The following PDK4 variants were observed in gnomAD, a reference collection of about 807,000 sequenced individuals.
PDK4 encodes pyruvate dehydrogenase kinase, isozyme 4.
Under a neutral mutation model 51.7 loss-of-function variants are expected in PDK4, and 43 were observed. That is an observed-to-expected ratio of 0.83 (90% CI 0.65 to 1.07). The LOEUF (loss-of-function observed/expected upper bound fraction) is 1.07, where lower values mean the gene tolerates loss of function less well. PDK4 is among the 50% of genes least tolerant of loss of function. PDK4 has a pLI of 0.00. For synonymous variants in PDK4, 170 were observed against 176.6 expected (o/e 0.96, Z 0.30); for missense variants, 498 against 503.5 (o/e 0.99, Z 0.10).
intron 8 of PDK4, 53 bp downstream of exon 8, chr7:95,587,674 A>G (rs1791502665): frequency 1.6e-6 from 2 of 1,271,886 alleles, no homozygotes; most frequent in African/African-American, 2.9e-5. Flanking sequence ...ATTACTATTG[A>G]CCCTATTTAA....
intron 7 of PDK4, among the ~76,000 whole-genome samples, chr7:95,588,786 A>T (rs771982278): frequency 6.6e-5 from 10 of 152,172 alleles, no homozygotes; most frequent in Non-Finnish European, 1.3e-4. Context: ...TTTAAGTTCA[A>T]TTTGATCTTA....
intron 6 of PDK4, 144 bp downstream of exon 6, chr7:95,591,843 GA>G: frequency 1.9e-6 from 1 of 540,400 alleles, no homozygotes. Flanking sequence ...TAGTTAAAGA[GA>G]ACCTTGTCTT....
intron 2 of PDK4, among the ~76,000 whole-genome samples, chr7:95,594,460 A>G (rs761142267): frequency 1.3e-5 from 2 of 151,634 alleles, no homozygotes; most frequent in Non-Finnish European, 2.9e-5. Context: ...GGATTATCTC[A>G]TTTCATTACA....
intron 2 of PDK4, among the ~76,000 whole-genome samples, chr7:95,594,589 G>C (rs1319426060): frequency 6.6e-6 from 1 of 152,144 alleles, no homozygotes; most frequent in African/African-American, 2.4e-5. Flanking sequence ...AAGTGACAGA[G>C]GCAGGATTTG....
At position 95,593,724 on chromosome 7, in the gene PDK4, G is replaced by T; in HGVS notation, c.319C>A (p.Pro107Thr). ...TCTGATAATGCTTTCTGGTCATCTG[G>T]GCTTTTCTCATGGAATTCCACCAAA... Reference protein sequence around the residue: ...MDLVEFHEKSPDDQKALSDFV... With the variant: ...MDLVEFHEKSTDDQKALSDFV... Residue 107 changes from proline to threonine, a missense_variant, in exon 3 of 11, where the codon CCA becomes ACA. Pro to Thr is a conservative substitution (Grantham distance 38). Transcript: ENST00000005178. 1 of 1,559,712 alleles carries T rather than the reference G, an allele frequency of 6.4e-7. No homozygotes were observed. The highest frequency in any genetic ancestry group is 8.8e-7 in the Non-Finnish European group (1 of 1,130,878).
Position 95,587,507 on chromosome 7 carries a change from C to T in PDK4, c.892G>A (p.Val298Ile), listed in dbSNP as rs1172194442. ...AGGCGGTCAATAATTCTCAGGGGAA[C>T]ACCACCTCCTCTGTCTGAAATCTAA... is the stretch of plus-strand genomic sequence containing the variant. ...TIKISDRGGG[V>I]PLRIIDRLFS... Residue 298 changes from valine to isoleucine, a missense_variant, in exon 9 of 11, where the codon GTT becomes ATT. Val to Ile is a conservative substitution (Grantham distance 29). Coordinates refer to ENST00000005178, the MANE Select transcript of PDK4 (RefSeq NM_002612.4). 3.1e-6 allele frequency: 5 copies of T among 1,601,304 alleles called. No individual in the cohort carries two copies. The Admixed American group carries it at 5.0e-5, about 16-fold the overall frequency.
At position 95,587,069 on chromosome 7, in the gene PDK4, C is replaced by T. The variant is rs762111077; in HGVS notation, c.1036G>A (p.Gly346Arg). Residue 346 changes from glycine (G) to arginine (R), a missense_variant, in exon 10 of 11, where the codon GGA (glycine) becomes AGA (arginine). Gly to Arg is a moderately radical substitution (Grantham distance 125). Coordinates refer to ENST00000005178, the MANE Select transcript of PDK4 (RefSeq NM_002612.4). ...GATAAAGAGTAGAGATTCAGATCTC[C>T]TTGAAAGTACTTTGCATACAGACGA... Reference protein sequence around the residue: ...ISRLYAKYFQGDLNLYSLSGY... With the variant: ...ISRLYAKYFQRDLNLYSLSGY... The T allele has an allele frequency of 6.2e-7, 1 of 1,612,622 alleles. No homozygotes were observed. Among genetic ancestry groups the T allele is most frequent in the Non-Finnish European group, 8.5e-7 (1 of 1,178,740 alleles).
rs11377701 is a variant in PDK4 at position 95,586,194 on chromosome 7, G to GTTTTTTTT, written c.1096-421_1096-414dup. On this transcript the variant is annotated intron_variant, in intron 10 of 10. Coordinates refer to ENST00000005178, the MANE Select transcript of PDK4 (RefSeq NM_002612.4). ...CAGAAACAGGAAAATATGCACCAAG[G>GTTTTTTTT]TTTTTTTTTTTTTTTTTTGAGACGG... 9.8e-4 allele frequency among the ~76,000 whole-genome samples: 118 copies of GTTTTTTTT among 120,784 alleles called. 5 individuals carry two copies. Among genetic ancestry groups the GTTTTTTTT allele is most frequent in the African/African-American group, 2.9e-3 (88 of 30,226 alleles). The allele number at this position is 120,784 out of a possible 152,430, so 79.2% of individuals were successfully genotyped here. A position where few individuals can be genotyped will look rare whatever the true frequency, so the allele number is the denominator to read the frequency against.
At position 95,584,269 on chromosome 7, in the gene PDK4, G is replaced by C. The variant is rs1201683896; in HGVS notation, c.*1372C>G. 6.6e-6 allele frequency: 1 copy of C among 151,790 alleles called. No individual in the cohort carries two copies. Among genetic ancestry groups the C allele is most frequent in the Non-Finnish European group, 1.5e-5 (1 of 67,946 alleles). The allele number at this position is 151,790 out of a possible 1,614,324, so 9.4% of individuals were successfully genotyped here. A position where few individuals can be genotyped will look rare whatever the true frequency, so the allele number is the denominator to read the frequency against. On this transcript the variant is annotated 3_prime_UTR_variant, in exon 11 of 11. Transcript: ENST00000005178. ...ATCCCAGAAAATACAGATTTTTTTTGAAATAATTTGTGGGGAAAATAGAAA... is the reference window on the plus strand; with the variant it reads ...ATCCCAGAAAATACAGATTTTTTTTCAAATAATTTGTGGGGAAAATAGAAA...
rs568603790 is a variant in PDK4 at position 95,587,201 on chromosome 7, C to T, written c.982-78G>A. On this transcript the variant is annotated intron_variant, in intron 9 of 10. Coordinates refer to ENST00000005178, the MANE Select transcript of PDK4 (RefSeq NM_002612.4). ...CAAACAAGCAGGAAATTACTGTCCT[C>T]ACTGATACTAATGTCCTAGAACCTA... 3 of 841,332 alleles carry T rather than the reference C, an allele frequency of 3.6e-6. No homozygotes were observed. The East Asian group carries it at 7.6e-5, about 21-fold the overall frequency. 52.1% of individuals were successfully genotyped at this position (841,332 alleles called of 1,614,324 possible). A position where few individuals can be genotyped will look rare whatever the true frequency, so the allele number is the denominator to read the frequency against.
At chr7:95,595,967 T>C (rs1440875947) in intron 1 of PDK4, among the ~76,000 whole-genome samples, 197 bp downstream of exon 1, 1 of 152,158 alleles carries the variant, frequency 6.6e-6, no homozygotes, top group African/African-American at 2.4e-5. Context: ...CAGGTGGCCT[T>C]GACCTGGAGG....
At chr7:95,593,027 A>C in intron 3 of PDK4, 83 bp from the exon 4 acceptor site, 1 of 920,936 alleles carries the variant, frequency 1.1e-6, no homozygotes, top group Non-Finnish European at 1.6e-6. Context: ...CAGAAGGCTA[A>C]AGTTTTTTTT....
rs767505669 is a variant in PDK4, at chr7:95,596,318, G to A, written c.-25C>T. The A allele has an allele frequency of 9.2e-5, 143 of 1,556,012 alleles. No individual in the cohort carries two copies. Among genetic ancestry groups the A allele is most frequent in the Non-Finnish European group, 1.2e-4 (142 of 1,152,252 alleles). ...TCTTGACGCCCACCCGGCCTGGCGG[G>A]GACTGTGGCTGGCTTGAGGGGCGAA... On this transcript the variant is annotated 5_prime_UTR_variant, in exon 1 of 11. Transcript: ENST00000005178.
In PDK4 at chr7:95,585,134, C is replaced by A. The variant is rs1422428360; in HGVS notation, c.*507G>T. 6.6e-6 allele frequency: 1 copy of A among 152,144 alleles called. No individual in the cohort carries two copies. Among genetic ancestry groups the A allele is most frequent in the Admixed American group, 6.5e-5 (1 of 15,274 alleles). The allele number at this position is 152,144 out of a possible 1,614,324, so 9.4% of individuals were successfully genotyped here. On this transcript the variant is annotated 3_prime_UTR_variant, in exon 11 of 11. Transcript: ENST00000005178. ...TCAGAGTAAACCTTATTTTAGTCAC[C>A]AGCATTTCCTTCCATAGCACATAAA...
At chr7:95,593,191 G>A (rs1410027001) in intron 3 of PDK4, among the ~76,000 whole-genome samples, 1 of 151,952 alleles carries the variant, frequency 6.6e-6, no homozygotes, top group Non-Finnish European at 1.5e-5. Context: ...TATAACCAAT[G>A]CATTCATCAG....
At chr7:95,593,492 C>T (rs1791577102) in intron 3 of PDK4, among the ~76,000 whole-genome samples, 1 of 152,036 alleles carries the variant, frequency 6.6e-6, no homozygotes, top group Non-Finnish European at 1.5e-5. Context: ...AAAAATGAGT[C>T]CTCTACATTT....
intron 2 of PDK4, among the ~76,000 whole-genome samples, chr7:95,594,359 A>G (rs1412696663): frequency 6.6e-6 from 1 of 152,056 alleles, no homozygotes; most frequent in African/African-American, 2.4e-5. Context: ...CAGTATCTTC[A>G]TTTATAAAAT....
chr7:95,585,421 A>C lies in PDK4; in HGVS notation c.*220T>G, dbSNP rs1044825756. 2.6e-6 allele frequency: 1 copy of C among 384,512 alleles called. No homozygotes were observed. The highest frequency in any genetic ancestry group is 2.0e-5 in the African/African-American group (1 of 49,116). The allele number at this position is 384,512 out of a possible 1,614,324, so 23.8% of individuals were successfully genotyped here. ...AAACTCAGGAGTTATTCTACATTAA[A>C]AAATAAGGAGCTGGCCATCTGTTAA... On this transcript the variant is annotated 3_prime_UTR_variant, in exon 11 of 11. Transcript: ENST00000005178.
intron 9 of PDK4, 49 bp downstream of exon 9, chr7:95,587,369 A>C: frequency 9.0e-7 from 1 of 1,111,366 alleles, no homozygotes; most frequent in Non-Finnish European, 1.4e-6. Flanking sequence ...CTTGCTCTAC[A>C]TTTAGAACTA....
Sources: allele counts gnomAD v4.1 joint callset (sites outside exome capture counted in the v4.1 genomes callset), GRCh38; gene constraint gnomAD v4.1.1; transcripts MANE v1.5; gene names NCBI Gene and HGNC (gene_info 2026-07-23, HGNC 2026-07-21).